CERS6: variants seen among roughly 807,000 people sequenced by gnomAD.
CERS6 encodes LAG1 homolog, ceramide synthase 6.
Under a neutral mutation model 56.8 loss-of-function variants are expected in CERS6, and 26 were observed. The observed-to-expected ratio is 0.46, with a 90% CI of 0.34 to 0.63. CERS6 has a LOEUF of 0.63. Among genes scored for constraint, CERS6 ranks in the 30% least tolerant of loss-of-function variants. CERS6 has a pLI of 0.01. For missense variants in CERS6, 415 were observed against 467.5 expected (o/e 0.89, Z 1.04); for synonymous variants, 164 against 173.3 (o/e 0.95, Z 0.42).
chr2:168,544,199 C>A (rs1435888931), intron 1 of CERS6, among the ~76,000 whole-genome samples: 2 of 152,126 alleles, frequency 1.3e-5, no homozygotes, highest in Non-Finnish European at 2.9e-5. Flanking sequence ...GTCTGTTATT[C>A]TTCTCTCTCT....
chr2:168,650,951 TTC>T (rs1685327685), intron 4 of CERS6, among the ~76,000 whole-genome samples: 1 of 152,120 alleles, frequency 6.6e-6, no homozygotes, highest in Admixed American at 6.5e-5. Context: ...ATTGTGGAAA[TTC>T]TGTCAGTTGG....
chr2:168,559,733 T>TTATATATATATA (rs61031993), intron 2 of CERS6, among the ~76,000 whole-genome samples: 5,132 of 66,244 alleles, frequency 0.077, 1,286 homozygotes, highest in African/African-American at 0.22. Context: ...TAGAAAGGTA[T>TTATATATATATA]CATATATATA....
intron 3 of CERS6, among the ~76,000 whole-genome samples, chr2:168,598,003 G>A (rs561894607): frequency 4.3e-4 from 65 of 152,286 alleles, no homozygotes; most frequent in African/African-American, 1.5e-3. Context: ...ATCTATAGGT[G>A]TATGTTGAGG....
intron 8 of CERS6, among the ~76,000 whole-genome samples, chr2:168,731,960 C>T (rs1298599470): frequency 6.6e-6 from 1 of 152,142 alleles, no homozygotes; most frequent in Non-Finnish European, 1.5e-5. Flanking sequence ...GATCAGAACC[C>T]TTTCTTATAC....
chr2:168,542,457 A>G (rs1286443654), intron 1 of CERS6, among the ~76,000 whole-genome samples: 1 of 152,190 alleles, frequency 6.6e-6, no homozygotes, highest in Non-Finnish European at 1.5e-5. Context: ...ATTCTATACA[A>G]TTTTATCACA....
intron 1 of CERS6, among the ~76,000 whole-genome samples, chr2:168,520,404 C>A (rs1335164732): frequency 1.3e-5 from 2 of 151,900 alleles, no homozygotes; most frequent in Non-Finnish European, 2.9e-5. Flanking sequence ...TTGATAGTTT[C>A]TTTTGCTGTG....
chr2:168,474,065 CA>C (rs1018852896), intron 1 of CERS6, among the ~76,000 whole-genome samples: 2 of 151,966 alleles, frequency 1.3e-5, no homozygotes, highest in South Asian at 2.1e-4. Context: ...TCATGTCTCT[CA>C]AAAAAACAAA....
chr2:168,579,874 C>T (rs184104881), intron 3 of CERS6, among the ~76,000 whole-genome samples: 6 of 152,238 alleles, frequency 3.9e-5, no homozygotes, highest in East Asian at 1.9e-4. Context: ...TTGGCCTTTG[C>T]GCTTGCTTTC....
intron 2 of CERS6, among the ~76,000 whole-genome samples, chr2:168,556,589 G>A (rs1385674108): frequency 2.6e-5 from 4 of 152,008 alleles, no homozygotes; most frequent in African/African-American, 9.7e-5. Flanking sequence ...TTGGAAAGTA[G>A]GTGACAAAAC....
At chr2:168,760,538 A>G (rs889566407) in intron 8 of CERS6, among the ~76,000 whole-genome samples, 1 of 152,164 alleles carries the variant, frequency 6.6e-6, no homozygotes, top group African/African-American at 2.4e-5. Flanking sequence ...GTTGACACTC[A>G]GTATTAACTA....
chr2:168,530,272 G>C (rs1695142683), intron 1 of CERS6, among the ~76,000 whole-genome samples: 1 of 152,238 alleles, frequency 6.6e-6, no homozygotes, highest in African/African-American at 2.4e-5. Context: ...AATTCTGTGA[G>C]GGTGCAGTTA....
At chr2:168,764,757 T>C (rs1229031644) in intron 8 of CERS6, among the ~76,000 whole-genome samples, 1 of 152,178 alleles carries the variant, frequency 6.6e-6, no homozygotes, top group African/African-American at 2.4e-5. Flanking sequence ...ACTTCAAAGA[T>C]CATACAGGCC....
intron 1 of CERS6, among the ~76,000 whole-genome samples, chr2:168,546,291 G>A (rs930204731): frequency 6.6e-6 from 1 of 152,182 alleles, no homozygotes; most frequent in African/African-American, 2.4e-5. Flanking sequence ...GAATGTAGAA[G>A]TTTGGGGAAA....
intron 4 of CERS6, among the ~76,000 whole-genome samples, chr2:168,673,409 C>CA (rs979219838): frequency 2.6e-4 from 40 of 151,588 alleles, no homozygotes; most frequent in South Asian, 1.5e-3. Flanking sequence ...GGGTTATTAC[C>CA]AAAAAAAAGG....
At chr2:168,547,570 T>A in intron 1 of CERS6, 26 bp from the exon 2 acceptor site, 1 of 1,478,038 alleles carries the variant, frequency 6.8e-7, no homozygotes, top group Non-Finnish European at 9.5e-7. Context: ...TCTGACCTTC[T>A]ACTTTTTTCT....
intron 8 of CERS6, among the ~76,000 whole-genome samples, chr2:168,743,880 T>A (rs1684002239): frequency 6.6e-6 from 1 of 152,112 alleles, no homozygotes; most frequent in South Asian, 2.1e-4. Context: ...ATTTTTACAT[T>A]TGAATAGAAA....
chr2:168,594,898 G>A (rs779883393), intron 3 of CERS6, among the ~76,000 whole-genome samples: 2 of 152,166 alleles, frequency 1.3e-5, no homozygotes, highest in Non-Finnish European at 2.9e-5. Context: ...GACTGCCTGT[G>A]TATTCGGGCT....
chr2:168,456,520 G>A lies in CERS6; in HGVS notation c.72G>A (p.Leu24=), dbSNP rs1693657002. The change falls in exon 1 of 10, where the codon CTG becomes CTA. Residue 24 remains leucine (L), a synonymous_variant. Transcript: ENST00000305747. This position sits in a 1 kb window ranked among gnomAD's most constrained non-coding sequence, Gnocchi z 4.1. ...CGCACAATGTCACCTGGGCGGACCT[G>A]AAGAACACGGAGGAGGCCACCTTCC... is the stretch of plus-strand genomic sequence containing the variant. ...WLPHNVTWAD[L]KNTEEATFPQ... 6.2e-7 allele frequency: 1 copy of A among 1,613,946 alleles called. No individual in the cohort carries two copies. The highest frequency in any genetic ancestry group is 1.3e-5 in the African/African-American group (1 of 74,930).
chr2:168,613,847 G>A (rs1444379290), intron 3 of CERS6, among the ~76,000 whole-genome samples: 4 of 152,158 alleles, frequency 2.6e-5, no homozygotes, highest in Non-Finnish European at 1.5e-5. Flanking sequence ...CATGCTCTTA[G>A]TGAAAAAAGG....
Sources: gnomAD v4.1 joint callset for allele counts (sites outside exome capture counted in the v4.1 genomes callset) on GRCh38, gnomAD v4.1.1 for gene constraint, Gnocchi (gnomAD v3.1) non-coding constraint, MANE v1.5 for transcripts, NCBI Gene and HGNC (gene_info 2026-07-23, HGNC 2026-07-21) for gene names.